The following KDR variants were observed in gnomAD, a reference collection of about 807,000 sequenced individuals.
KDR encodes the protein kinase insert domain receptor.
In KDR, 43 loss-of-function variants were observed where a neutral mutation model predicts 160.9. The observed-to-expected ratio is 0.27, with a 90% CI of 0.21 to 0.34. The LOEUF is 0.34. KDR is among the 10% of genes least tolerant of loss of function. The pLI is 1.00. For missense variants in KDR, 1,469 were observed against 1,666.4 expected, an observed-to-expected ratio of 0.88 and a Z score of 2.06; for synonymous variants, 617 against 600.1, an observed-to-expected ratio of 1.03 and a Z score of -0.41.
chr4:55,103,830 C>T (rs1026054936), intron 13 of KDR, among the ~76,000 whole-genome samples: 1 of 151,904 alleles, frequency 6.6e-6, no homozygotes, highest in Admixed American at 6.6e-5. Context: ...AGGGACACCA[C>T]AAGAGGAGAA....
intron 18 of KDR, chr4:55,096,684 G>C: frequency 2.8e-6 from 1 of 357,916 alleles, no homozygotes; most frequent in Non-Finnish European, 5.3e-6. Flanking sequence ...ATGATTCTGA[G>C]GGTCTGATCA....
intron 26 of KDR, among the ~76,000 whole-genome samples, chr4:55,088,092 T>C (rs1049537324): frequency 1.3e-5 from 2 of 152,124 alleles, no homozygotes; most frequent in African/African-American, 4.8e-5. Context: ...CACAAAGCCC[T>C]AACCACACGA....
At chr4:55,084,682 C>G (rs549665761) in intron 27 of KDR, among the ~76,000 whole-genome samples, 1 of 152,230 alleles carries the variant, frequency 6.6e-6, no homozygotes, top group East Asian at 1.9e-4. Context: ...GACACTAAAG[C>G]CCATGTGAAG....
At chr4:55,113,173 G>A (rs1720639366) in intron 7 of KDR, 131 bp downstream of exon 7, 1 of 959,954 alleles carries the variant, frequency 1.0e-6, no homozygotes, top group African/African-American at 1.6e-5. Flanking sequence ...TCTAGGTCAT[G>A]TGGCCTCCCT....
At chr4:55,091,209 C>T (rs1291070385) in intron 22 of KDR, among the ~76,000 whole-genome samples, 1 of 152,090 alleles carries the variant, frequency 6.6e-6, no homozygotes, top group African/African-American at 2.4e-5. Context: ...GCATTGCTGA[C>T]CTTCCCACAC....
chr4:55,110,833 A>G (rs1347360938), intron 7 of KDR, 65 bp from the exon 8 acceptor site: 4 of 1,351,902 alleles, frequency 3.0e-6, no homozygotes, highest in Non-Finnish European at 4.2e-6. Context: ...TTAGTTTTTC[A>G]TTTCAAGTGA....
intron 2 of KDR, 94 bp from the exon 3 acceptor site, chr4:55,118,894 A>G (rs969534850): frequency 1.7e-5 from 17 of 985,482 alleles, no homozygotes; most frequent in Non-Finnish European, 2.5e-5. Flanking sequence ...AAACTTAAAT[A>G]AACTCTTCAA....
intron 7 of KDR, among the ~76,000 whole-genome samples, 178 bp from the exon 8 acceptor site, chr4:55,110,946 TC>T (rs1237921260): frequency 6.6e-6 from 1 of 152,120 alleles, no homozygotes; most frequent in African/African-American, 2.4e-5. Flanking sequence ...CCCGTGTTTC[TC>T]CCACACCTCC....
Position 55,087,708 on chromosome 4 carries a change from T to C in KDR, c.3561A>G (p.Glu1187=). The stretch of plus-strand genomic sequence containing the variant: ...TAGGCAGAGAGAGTCCAGAATCCTC[T>C]TCCATGCTCAAAGTCTCTGATATCG... The part of the protein sequence containing the change: ...VLPISETLSM[E]EDSGLSLPTS... Residue 1187 remains glutamate, a synonymous_variant, in exon 27 of 30, where the codon GAA becomes GAG. Transcript: ENST00000263923. 1 of 1,614,152 alleles carries C rather than the reference T, an allele frequency of 6.2e-7. No homozygotes were observed. The highest frequency in any genetic ancestry group is 2.2e-5 in the East Asian group (1 of 44,888).
intron 15 of KDR, among the ~76,000 whole-genome samples, chr4:55,101,015 G>A (rs1338926517): frequency 2.0e-5 from 3 of 152,142 alleles, no homozygotes; most frequent in Admixed American, 1.3e-4. Flanking sequence ...CACACGTATT[G>A]AGATAAAAAC....
Position 55,085,026 on chromosome 4 carries a change from A to G in KDR, c.3663-2391T>C, listed in dbSNP as rs114569316. On this transcript the variant is annotated intron_variant, in intron 27 of 29. Transcript: ENST00000263923. ...ATCATCCCTAACAATTACAAAATGA[A>G]GAAAATGGTATGTACCAAAACCTTT... 6.5e-3 allele frequency among the ~76,000 whole-genome samples: 988 copies of G among 152,354 alleles called. 12 individuals carry two copies. The highest frequency in any genetic ancestry group is 0.022 in the African/African-American group (932 of 41,580).
intron 27 of KDR, among the ~76,000 whole-genome samples, chr4:55,085,488 C>T (rs935733481): frequency 6.6e-6 from 1 of 152,182 alleles, no homozygotes; most frequent in African/African-American, 2.4e-5. Flanking sequence ...AACAAGCTCC[C>T]TGAGAAGTAC....
chr4:55,096,158 C>T, intron 19 of KDR, 71 bp downstream of exon 19: 1 of 837,016 alleles, frequency 1.2e-6, no homozygotes. Context: ...GAGGAGTTGA[C>T]TGCTTTCCCT....
At chr4:55,092,071 T>C (rs1372666129) in intron 22 of KDR, among the ~76,000 whole-genome samples, 1 of 152,214 alleles carries the variant, frequency 6.6e-6, no homozygotes, top group Non-Finnish European at 1.5e-5. Flanking sequence ...AAGATATCTG[T>C]AAGGCTCAGC....
rs145458680 is a variant in KDR at position 55,114,880 on chromosome 4, C to T, written c.652G>A (p.Val218Ile). ...AAAGGAAATGTCCTCTTACCTACAA[C>T]GACAACTATGTACATAATAGACTGG... ...SYQSIMYIVV[V>I]VGYRIYDVVL... The change falls in exon 5 of 30, where the codon GTT becomes ATT. Residue 218 changes from valine to isoleucine, a missense_variant. By Grantham distance (29) the Val-to-Ile change is conservative. Coordinates refer to ENST00000263923, the MANE Select transcript of KDR (RefSeq NM_002253.4). The T allele has an allele frequency of 4.8e-5, 77 of 1,612,814 alleles. No individual in the cohort carries two copies. Among genetic ancestry groups the T allele is most frequent in the African/African-American group, 3.7e-4 (28 of 74,960 alleles).
intron 3 of KDR, 66 bp downstream of exon 3, chr4:55,118,538 T>C: frequency 1.6e-6 from 2 of 1,275,498 alleles, no homozygotes; most frequent in Middle Eastern, 4.1e-4. Context: ...TCAATTCTTC[T>C]TTGAGCCTAT....
In KDR at chr4:55,081,978, T is replaced by G. The variant is rs747121988; in HGVS notation, c.3826A>C (p.Thr1276Pro). ...TACCCAAAAGATGGAGATAATTTGG[T>G]TCTGTCTTCCAAAGTTTTCAGCTCT... ...SEELKTLEDR[T>P]KLSPSFGGMV... is the part of the protein sequence containing the mutation. The change falls in exon 29 of 30, where the codon ACC becomes CCC. Residue 1276 changes from threonine to proline, a missense_variant. This residue lies in a region of KDR where 229 missense variants were observed against 197.8 expected (regional missense o/e 1.16). Coordinates refer to ENST00000263923, the MANE Select transcript of KDR (RefSeq NM_002253.4). The G allele has an allele frequency of 7.4e-6, 12 of 1,613,234 alleles. No individual in the cohort carries two copies. The highest frequency in any genetic ancestry group is 4.0e-5 in the African/African-American group (3 of 74,916).
rs754811048 is a variant in KDR at position 55,079,776 on chromosome 4, A to C, written c.*165T>G. ...CATTCTTGGGTCACAAGCCTCTTCC[A>C]GGATATGCCTAGAAGACTGGCTCCC... On this transcript the variant is annotated 3_prime_UTR_variant, in exon 30 of 30. Coordinates refer to ENST00000263923, the MANE Select transcript of KDR (RefSeq NM_002253.4). The C allele has an allele frequency of 8.9e-6, 6 of 673,170 alleles. No homozygotes were observed. Among genetic ancestry groups the C allele is most frequent in the Non-Finnish European group, 1.6e-5 (6 of 373,588 alleles). The allele number at this position is 673,170 out of a possible 1,614,324, so 41.7% of individuals were successfully genotyped here. A position where few individuals can be genotyped will look rare whatever the true frequency, so the allele number is the denominator to read the frequency against.
chr4:55,098,090 A>T (rs765441678), intron 17 of KDR, 47 bp downstream of exon 17: 2 of 1,609,354 alleles, frequency 1.2e-6, no homozygotes, highest in East Asian at 4.5e-5. Flanking sequence ...GGAGGAAGAG[A>T]TGGCCTGGTA....
Sources: allele counts gnomAD v4.1 joint callset (sites outside exome capture counted in the v4.1 genomes callset), GRCh38; gene constraint gnomAD v4.1.1; regional missense constraint gnomAD v4.1.1; transcripts MANE v1.5; gene names NCBI Gene and HGNC (gene_info 2026-07-23, HGNC 2026-07-21).